BTBD9: variants seen among roughly 807,000 people sequenced by gnomAD.
The protein encoded by BTBD9 is BTB domain containing 9.
A neutral mutation model predicts 64.3 loss-of-function variants in BTBD9; 49 were observed. The observed-to-expected ratio is 0.76, with a 90% CI of 0.61 to 0.97. The LOEUF is 0.97. Among genes scored for constraint, BTBD9 ranks in the 50% least tolerant of loss-of-function variants. BTBD9 has a pLI of 0.00. For missense variants in BTBD9, 598 were observed against 762.1 expected (o/e 0.78, Z 2.53); for synonymous variants, 260 against 274.7 (o/e 0.95, Z 0.53).
chr6:38,569,338 G>A (rs938657815), intron 6 of BTBD9, among the ~76,000 whole-genome samples: 1 of 152,152 alleles, frequency 6.6e-6, no homozygotes. Flanking sequence ...ATGTCTGAAT[G>A]AATAAATCCC....
chr6:38,575,385 G>A (rs758157123), intron 6 of BTBD9, among the ~76,000 whole-genome samples: 1 of 152,116 alleles, frequency 6.6e-6, no homozygotes, highest in Middle Eastern at 3.2e-3. Context: ...TTTAGTATCA[G>A]AGGCAAGATA....
At chr6:38,202,177 C>T (rs1762489575) in intron 9 of BTBD9, among the ~76,000 whole-genome samples, 1 of 149,388 alleles carries the variant, frequency 6.7e-6, no homozygotes, top group African/African-American at 2.5e-5. Flanking sequence ...CTCCACCCCA[C>T]AAGCTCAAGC....
At chr6:38,202,026 T>C (rs1315590088) in intron 9 of BTBD9, among the ~76,000 whole-genome samples, 1 of 151,330 alleles carries the variant, frequency 6.6e-6, no homozygotes, top group African/African-American at 2.4e-5. Context: ...CAAAACAATA[T>C]ACAGATTCAA....
chr6:38,524,107 C>T (rs965660432), intron 6 of BTBD9, among the ~76,000 whole-genome samples: 1 of 151,928 alleles, frequency 6.6e-6, no homozygotes, highest in African/African-American at 2.4e-5. Flanking sequence ...TTTGATTTCT[C>T]CGCAATTACT....
At chr6:38,282,909 G>GTTTA (rs373828673) in intron 8 of BTBD9, among the ~76,000 whole-genome samples, 3 of 122,968 alleles carry the variant, frequency 2.4e-5, no homozygotes, top group African/African-American at 1.4e-4. Context: ...AAAAAACAGC[G>GTTTA]TTTATTATCT....
chr6:38,249,591 T>A (rs1411284341), intron 9 of BTBD9, among the ~76,000 whole-genome samples: 1 of 152,010 alleles, frequency 6.6e-6, no homozygotes, highest in East Asian at 1.9e-4. Context: ...AAACAAGCCA[T>A]AATTGGCTTC....
In BTBD9 at chr6:38,344,189, T is replaced by C. The variant is rs369467979; in HGVS notation, c.1264+795A>G. Among the ~76,000 whole-genome samples, 4 of 151,806 alleles carry C rather than the reference T, an allele frequency of 2.6e-5. No homozygotes were observed. The East Asian group carries it at 7.7e-4, about 29-fold the overall frequency. On this transcript the variant is annotated intron_variant, in intron 7 of 10. Transcript: ENST00000481247. ...TCTTTGCAGCAGGTGAGTGAAAACC[T>C]ATGGGCATGGGGGAAAAAAAAGCAG...
intron 1 of BTBD9, among the ~76,000 whole-genome samples, chr6:38,622,864 T>C (rs1040034766): frequency 6.6e-6 from 1 of 152,166 alleles, no homozygotes; most frequent in African/African-American, 2.4e-5. Flanking sequence ...ATGGCAAACA[T>C]ACTCCCTGCA....
intron 6 of BTBD9, among the ~76,000 whole-genome samples, chr6:38,551,595 G>GT (rs1005551325): frequency 1.3e-5 from 2 of 152,294 alleles, no homozygotes; most frequent in African/African-American, 4.8e-5. Flanking sequence ...GACAGAGAGG[G>GT]TAAGTAACTT....
chr6:38,409,806 A>G (rs1264172314), intron 6 of BTBD9, among the ~76,000 whole-genome samples: 1 of 152,128 alleles, frequency 6.6e-6, no homozygotes, highest in Non-Finnish European at 1.5e-5. Flanking sequence ...CCTGGGCAAC[A>G]GAGCAAGACT....
chr6:38,173,308 G>A lies in BTBD9; in HGVS notation c.*1677C>T, dbSNP rs1766870663. ...CATTATGAAATGCCTGGCATCCCAG[G>A]AGTGTTCCACTCTCCCACACAACAG... On this transcript the variant is annotated 3_prime_UTR_variant, in exon 11 of 11. Coordinates refer to ENST00000481247, the MANE Select transcript of BTBD9 (RefSeq NM_001099272.2). 1 of 152,214 alleles carries A rather than the reference G, an allele frequency of 6.6e-6. No homozygotes were observed. Among genetic ancestry groups the A allele is most frequent in the Non-Finnish European group, 1.5e-5 (1 of 68,054 alleles). The allele number at this position is 152,214 out of a possible 1,614,324, so 9.4% of individuals were successfully genotyped here.
At chr6:38,586,004 T>C (rs1328166123) in intron 4 of BTBD9, among the ~76,000 whole-genome samples, 2 of 150,318 alleles carry the variant, frequency 1.3e-5, no homozygotes, top group East Asian at 3.9e-4. Context: ...TAACCAATAA[T>C]GTAACTTAGC....
chr6:38,424,037 T>C (rs976675554), intron 6 of BTBD9, among the ~76,000 whole-genome samples: 2 of 151,964 alleles, frequency 1.3e-5, no homozygotes, highest in Admixed American at 1.3e-4. Context: ...TTACTGGAGA[T>C]ATGTATTCAA....
At chr6:38,402,212 A>G (rs1440464507) in intron 6 of BTBD9, among the ~76,000 whole-genome samples, 3 of 152,206 alleles carry the variant, frequency 2.0e-5, no homozygotes, top group African/African-American at 7.2e-5. Flanking sequence ...ATAAATGGAA[A>G]GACATTCTGT....
intron 1 of BTBD9, among the ~76,000 whole-genome samples, chr6:38,618,783 AC>A (rs1777883276): frequency 6.6e-6 from 1 of 152,226 alleles, no homozygotes; most frequent in Non-Finnish European, 1.5e-5. Context: ...ATGTCATGCT[AC>A]TGTTAGATCA....
chr6:38,418,270 T>C (rs1767763339), intron 6 of BTBD9, among the ~76,000 whole-genome samples: 1 of 152,202 alleles, frequency 6.6e-6, no homozygotes, highest in South Asian at 2.1e-4. Flanking sequence ...ACAACTACCG[T>C]GTAAATGTGT....
At chr6:38,214,972 C>A (rs1012821828) in intron 9 of BTBD9, among the ~76,000 whole-genome samples, 2 of 152,188 alleles carry the variant, frequency 1.3e-5, no homozygotes. Context: ...TAAAAGTTAT[C>A]CTTGGCACAC....
chr6:38,627,261 A>T (rs1413870006), intron 1 of BTBD9, among the ~76,000 whole-genome samples: 2 of 152,202 alleles, frequency 1.3e-5, no homozygotes, highest in African/African-American at 4.8e-5. Context: ...TTATAAAACT[A>T]GTAAAATTAA....
intron 6 of BTBD9, among the ~76,000 whole-genome samples, chr6:38,402,004 T>A (rs1012693458): frequency 6.6e-6 from 1 of 152,094 alleles, no homozygotes; most frequent in African/African-American, 2.4e-5. Flanking sequence ...TTCTTTAAAA[T>A]TGCTAATATA....
Sources: gnomAD v4.1 joint callset for allele counts (sites outside exome capture counted in the v4.1 genomes callset) on GRCh38, gnomAD v4.1.1 for gene constraint, MANE v1.5 for transcripts, NCBI Gene and HGNC (gene_info 2026-07-23, HGNC 2026-07-21) for gene names.